The following VWC2 variants were observed in gnomAD, a reference collection of about 807,000 sequenced individuals.
The protein encoded by VWC2 is brorin.
A neutral mutation model predicts 29.8 loss-of-function variants in VWC2; 14 were observed. The observed-to-expected ratio is 0.47, with a 90% confidence interval of 0.31 to 0.74. The LOEUF (loss-of-function observed/expected upper bound fraction) is 0.74. Ranked by LOEUF, VWC2 falls within the 30% of genes least tolerant of loss-of-function variation. VWC2 has a pLI of 0.05. For missense variants in VWC2, 457 were observed against 459.8 expected (o/e 0.99, Z 0.05); for synonymous variants, 213 against 199.0 (o/e 1.07, Z -0.59).
intron 2 of VWC2, among the ~76,000 whole-genome samples, chr7:49,783,884 T>C (rs1351677675): frequency 6.6e-6 from 1 of 150,534 alleles, no homozygotes; most frequent in African/African-American, 2.4e-5. Flanking sequence ...ACCCTGTCTC[T>C]AAAAAAAATA....
intron 2 of VWC2, among the ~76,000 whole-genome samples, chr7:49,797,596 G>A (rs1178152621): frequency 3.9e-5 from 6 of 152,132 alleles, no homozygotes; most frequent in South Asian, 2.1e-4. Flanking sequence ...CAGGTCAGAC[G>A]TGCACACCGT....
At position 49,802,706 on chromosome 7, in the gene VWC2, T is replaced by C. The variant is rs1788771187; in HGVS notation, c.697-5T>C. 6.2e-7 allele frequency: 1 copy of C among 1,614,198 alleles called. No homozygotes were observed. The highest frequency in any genetic ancestry group is 8.5e-7 in the Non-Finnish European group (1 of 1,180,018). On this transcript the variant is annotated splice_polypyrimidine_tract_variant and splice_region_variant and intron_variant, in intron 2 of 3. Transcript: ENST00000340652. ...TAAAGTGCTGATTGTGGGCTTGTGT[T>C]TCAGGTGTCTCCATGCGAGAGGTGT...
intron 3 of VWC2, among the ~76,000 whole-genome samples, chr7:49,803,339 T>C (rs533626419): frequency 1.3e-5 from 2 of 152,354 alleles, no homozygotes; most frequent in African/African-American, 4.8e-5. Flanking sequence ...TGGCAGGATG[T>C]CCTTGATCCT....
intron 3 of VWC2, among the ~76,000 whole-genome samples, chr7:49,804,646 T>G (rs1356612973): frequency 1.3e-5 from 2 of 152,202 alleles, no homozygotes; most frequent in African/African-American, 4.8e-5. Flanking sequence ...CCCTGGATTT[T>G]TTTTTCTTGC....
intron 3 of VWC2, among the ~76,000 whole-genome samples, chr7:49,875,238 C>T (rs1302175122): frequency 6.6e-6 from 1 of 151,330 alleles, no homozygotes; most frequent in African/African-American, 2.4e-5. Context: ...GGCATGGTGG[C>T]ATGCGCCTTT....
At chr7:49,792,765 G>A (rs1788494391) in intron 2 of VWC2, among the ~76,000 whole-genome samples, 1 of 152,206 alleles carries the variant, frequency 6.6e-6, no homozygotes, top group Admixed American at 6.5e-5. Context: ...AGATGTTGGA[G>A]TCACTGCACA....
chr7:49,856,472 C>T (rs1037833433), intron 3 of VWC2, among the ~76,000 whole-genome samples: 6 of 152,104 alleles, frequency 3.9e-5, no homozygotes, highest in Non-Finnish European at 8.8e-5. Context: ...AGATCATGAG[C>T]CAAATATACT....
At chr7:49,859,445 A>C (rs1790558420) in intron 3 of VWC2, among the ~76,000 whole-genome samples, 1 of 152,142 alleles carries the variant, frequency 6.6e-6, no homozygotes, top group Non-Finnish European at 1.5e-5. Flanking sequence ...AATGGAGATG[A>C]TACTGATTTT....
chr7:49,831,879 GTTTC>G (rs1789537047), intron 3 of VWC2, among the ~76,000 whole-genome samples: 1 of 152,204 alleles, frequency 6.6e-6, no homozygotes, highest in African/African-American at 2.4e-5. Context: ...GGCAAAAAGA[GTTTC>G]TTTCTTTCAC....
At chr7:49,818,215 C>G (rs546804342) in intron 3 of VWC2, among the ~76,000 whole-genome samples, 1 of 152,260 alleles carries the variant, frequency 6.6e-6, no homozygotes, top group African/African-American at 2.4e-5. Flanking sequence ...CTTAAGTATT[C>G]AGAGGATGGG....
intron 3 of VWC2, among the ~76,000 whole-genome samples, chr7:49,809,240 C>A (rs1217229489): frequency 6.6e-6 from 1 of 151,940 alleles, no homozygotes; most frequent in African/African-American, 2.4e-5. Flanking sequence ...CAAGGCAATA[C>A]TATGAACAAC....
intron 2 of VWC2, among the ~76,000 whole-genome samples, chr7:49,779,139 C>T (rs1425664664): frequency 6.6e-6 from 1 of 152,116 alleles, no homozygotes; most frequent in African/African-American, 2.4e-5. Flanking sequence ...AACTCCAGAG[C>T]CTGGCTGTGC....
rs187398317 is a variant in VWC2 at position 49,845,268 on chromosome 7, G to A, written c.826+42428G>A. On this transcript the variant is annotated intron_variant, in intron 3 of 3. Transcript: ENST00000340652. ...TAACAAACCTGCATACACTGCACAT[G>A]TACCCTGGAACTTAAAAGTCGAAGG... Among the ~76,000 whole-genome samples, 151 of 151,000 alleles carry A rather than the reference G, an allele frequency of 1.0e-3. 1 individual carries two copies. Among genetic ancestry groups the A allele is most frequent in the African/African-American group, 3.7e-3 (150 of 40,854 alleles).
At chr7:49,858,888 T>G (rs139121379) in intron 3 of VWC2, among the ~76,000 whole-genome samples, 4 of 152,340 alleles carry the variant, frequency 2.6e-5, no homozygotes, top group African/African-American at 9.6e-5. Context: ...TTCCTTAGTA[T>G]TCTCTTCCAG....
At chr7:49,793,725 C>G (rs1788517508) in intron 2 of VWC2, among the ~76,000 whole-genome samples, 1 of 152,170 alleles carries the variant, frequency 6.6e-6, no homozygotes, top group Non-Finnish European at 1.5e-5. Context: ...TTGTTTCTAA[C>G]TTTTTTCTAT....
chr7:49,897,845 C>G (rs1171317211), intron 3 of VWC2, among the ~76,000 whole-genome samples: 1 of 152,198 alleles, frequency 6.6e-6, no homozygotes, highest in South Asian at 2.1e-4. Context: ...AGTTCCCACA[C>G]TTTGAGTTTT....
intron 3 of VWC2, among the ~76,000 whole-genome samples, chr7:49,838,152 C>A (rs1243030196): frequency 3.3e-5 from 5 of 152,180 alleles, no homozygotes; most frequent in African/African-American, 1.2e-4. Context: ...TCCCTATCCC[C>A]CCATCTAATG....
intron 3 of VWC2, among the ~76,000 whole-genome samples, chr7:49,838,353 A>T (rs947120004): frequency 6.6e-6 from 1 of 152,098 alleles, no homozygotes; most frequent in African/African-American, 2.4e-5. Flanking sequence ...TTTTTCCAGC[A>T]GATTGGTGCA....
chr7:49,805,092 T>C (rs1439360030), intron 3 of VWC2, among the ~76,000 whole-genome samples: 1 of 152,232 alleles, frequency 6.6e-6, no homozygotes, highest in East Asian at 1.9e-4. Flanking sequence ...ATTTAAGATA[T>C]AGTTATATTT....
Sources: allele counts gnomAD v4.1 joint callset (sites outside exome capture counted in the v4.1 genomes callset), GRCh38; gene constraint gnomAD v4.1.1; transcripts MANE v1.5; gene names NCBI Gene and HGNC (gene_info 2026-07-23, HGNC 2026-07-21).